The following CWC27 variants were observed in gnomAD, a reference collection of about 807,000 sequenced individuals.
The protein encoded by CWC27 is spliceosome-associated protein CWC27 homolog.
Under a neutral mutation model 63.6 loss-of-function variants are expected in CWC27, and 47 were observed. The ratio of observed to expected loss-of-function variants is 0.74; its 90% CI spans 0.58 to 0.94. The LOEUF (loss-of-function observed/expected upper bound fraction) is 0.94. Ranked by LOEUF, CWC27 falls within the 40% of genes least tolerant of loss-of-function variation. The pLI, the probability that CWC27 is intolerant of heterozygous loss-of-function variation, is 0.00. For missense variants in CWC27, 495 were observed against 554.3 expected (o/e 0.89, Z 1.07); for synonymous variants, 175 against 179.8 (o/e 0.97, Z 0.22).
At chr5:64,898,579 G>T (rs151104390) in intron 11 of CWC27, among the ~76,000 whole-genome samples, 1 of 151,988 alleles carries the variant, frequency 6.6e-6, no homozygotes, top group Admixed American at 6.6e-5. Context: ...TAGTTGCTAC[G>T]TACAAGGAGT....
rs1289572742 is a variant in CWC27 at position 64,840,383 on chromosome 5, AAAAAAAAAAAAATATATATATATATATAT to A, written c.938+35999_938+36027del. ...TCATTAAAAAAAAAAAAAAAAAAAA[AAAAAAAAAAAAATATATATATATATATAT>A]ATATATATATATATATATACTTATT... is the stretch of plus-strand genomic sequence containing the variant. On this transcript the variant is annotated intron_variant, in intron 10 of 13. Transcript: ENST00000381070. Among the ~76,000 whole-genome samples, 25 of 72,062 alleles carry A rather than the reference AAAAAAAAAAAAATATATATATATATATAT, an allele frequency of 3.5e-4. 2 individuals carry two copies. The highest frequency in any genetic ancestry group is 1.1e-3 in the African/African-American group (17 of 15,686). The allele number at this position is 72,062 out of a possible 152,430, so 47.3% of individuals were successfully genotyped here.
chr5:64,896,496 G>A (rs1242602567), intron 11 of CWC27, among the ~76,000 whole-genome samples: 1 of 152,134 alleles, frequency 6.6e-6, no homozygotes, highest in Non-Finnish European at 1.5e-5. Context: ...TGGTGAGCAG[G>A]TAAAGGGTGC....
chr5:64,875,228 T>C (rs1303817837), intron 10 of CWC27, among the ~76,000 whole-genome samples: 1 of 152,196 alleles, frequency 6.6e-6, no homozygotes, highest in Admixed American at 6.5e-5. Context: ...AATCTTTTCA[T>C]TAAAAATACA....
At chr5:64,923,308 G>C (rs1748033829) in intron 11 of CWC27, among the ~76,000 whole-genome samples, 1 of 152,082 alleles carries the variant, frequency 6.6e-6, no homozygotes, top group Admixed American at 6.5e-5. Flanking sequence ...GGGGCCACTG[G>C]ACAACAGGAT....
chr5:64,944,437 C>T (rs1748548249), intron 11 of CWC27, among the ~76,000 whole-genome samples: 1 of 152,080 alleles, frequency 6.6e-6, no homozygotes, highest in African/African-American at 2.4e-5. Context: ...TTTACTTGGC[C>T]TCTAGTTTTT....
intron 10 of CWC27, among the ~76,000 whole-genome samples, chr5:64,877,715 TA>T (rs1746826942): frequency 6.6e-6 from 1 of 151,974 alleles, no homozygotes; most frequent in Admixed American, 6.6e-5. Context: ...TGTAAATAAA[TA>T]AAATATTCAG....
intron 11 of CWC27, among the ~76,000 whole-genome samples, chr5:64,891,070 T>G (rs1174575807): frequency 6.6e-6 from 1 of 152,198 alleles, no homozygotes; most frequent in Non-Finnish European, 1.5e-5. Context: ...AAATACTTGT[T>G]AAACATACTT....
intron 10 of CWC27, among the ~76,000 whole-genome samples, chr5:64,878,079 T>C (rs1460216450): frequency 1.3e-5 from 2 of 151,942 alleles, no homozygotes; most frequent in African/African-American, 4.8e-5. Context: ...AAACATTATT[T>C]TTTGCCTTAC....
intron 11 of CWC27, among the ~76,000 whole-genome samples, chr5:64,905,481 T>C (rs1356731324): frequency 6.6e-6 from 1 of 152,166 alleles, no homozygotes; most frequent in Non-Finnish European, 1.5e-5. Context: ...TCTGAACTTC[T>C]ATTTCTGTTT....
intron 13 of CWC27, among the ~76,000 whole-genome samples, chr5:64,991,150 C>T (rs1017124166): frequency 2.0e-5 from 3 of 152,176 alleles, no homozygotes; most frequent in African/African-American, 7.2e-5. Context: ...AGAAACCTTG[C>T]ATTCACTTAG....
chr5:64,788,218 A>G (rs1275114396), intron 6 of CWC27, among the ~76,000 whole-genome samples: 2 of 152,048 alleles, frequency 1.3e-5, no homozygotes, highest in African/African-American at 2.4e-5. Flanking sequence ...TATCTTAACA[A>G]TAAACTCTAA....
At chr5:64,769,422 T>G (rs539496110) in intron 1 of CWC27, among the ~76,000 whole-genome samples, 12 of 152,356 alleles carry the variant, frequency 7.9e-5, no homozygotes, top group Middle Eastern at 3.4e-3. Context: ...CCGGTCCTAT[T>G]TAATGCTTTA....
chr5:64,774,564 C>A (rs1743374037), intron 1 of CWC27, 127 bp from the exon 2 acceptor site: 1 of 500,362 alleles, frequency 2.0e-6, no homozygotes, highest in Non-Finnish European at 3.4e-6. Flanking sequence ...TCAACAAAAG[C>A]CAAACACAAT....
At position 64,971,784 on chromosome 5, in the gene CWC27, CAAA is replaced by C. The variant is rs756369781; in HGVS notation, c.1125_1127del (p.Lys377del). 2.7e-5 allele frequency: 43 copies of C among 1,610,818 alleles called. No homozygotes were observed. Among genetic ancestry groups the C allele is most frequent in the Non-Finnish European group, 3.5e-5 (41 of 1,178,660 alleles). On this transcript the variant is annotated inframe_deletion, in exon 12 of 14. Coordinates refer to ENST00000381070, the MANE Select transcript of CWC27 (RefSeq NM_005869.4). ...TATGAAGCTTTGAGGAAGCAACAGT[CAAA>C]GAAGGGAACTTCCCGGGAAGATCAG...
intron 13 of CWC27, among the ~76,000 whole-genome samples, chr5:64,991,466 TG>T: frequency 6.6e-6 from 1 of 152,386 alleles, no homozygotes; most frequent in African/African-American, 2.4e-5. Flanking sequence ...GGCTCACGCC[TG>T]TAATCCCAGC....
At chr5:64,921,451 G>T (rs1349527536) in intron 11 of CWC27, among the ~76,000 whole-genome samples, 1 of 152,006 alleles carries the variant, frequency 6.6e-6, no homozygotes, top group Non-Finnish European at 1.5e-5. Context: ...ATTAAGACCA[G>T]TTGGTTAAGC....
At chr5:64,856,123 A>G (rs1275359512) in intron 10 of CWC27, among the ~76,000 whole-genome samples, 1 of 152,116 alleles carries the variant, frequency 6.6e-6, no homozygotes, top group Non-Finnish European at 1.5e-5. Flanking sequence ...ATTATATTTT[A>G]AAGCAGATAA....
intron 12 of CWC27, among the ~76,000 whole-genome samples, chr5:64,975,983 G>A (rs1749221591): frequency 1.3e-5 from 2 of 152,090 alleles, no homozygotes; most frequent in South Asian, 2.1e-4. Context: ...CAGGAGAATC[G>A]CTTGAACCTG....
intron 11 of CWC27, among the ~76,000 whole-genome samples, chr5:64,930,788 C>T (rs1471612951): frequency 2.0e-5 from 3 of 152,052 alleles, no homozygotes; most frequent in Non-Finnish European, 2.9e-5. Context: ...CAATGAGAAG[C>T]GTATGGACAC....
Sources: gnomAD v4.1 joint callset for allele counts (sites outside exome capture counted in the v4.1 genomes callset) on GRCh38, gnomAD v4.1.1 for gene constraint, MANE v1.5 for transcripts, NCBI Gene and HGNC (gene_info 2026-07-23, HGNC 2026-07-21) for gene names.